GLB1L2: variants seen among roughly 807,000 people sequenced by gnomAD.
GLB1L2 encodes the protein galactosidase beta 1 like 2.
In GLB1L2, 68 loss-of-function variants were observed where a neutral mutation model predicts 84.1. The ratio of observed to expected loss-of-function variants is 0.81; its 90% CI spans 0.67 to 0.99. GLB1L2 has a LOEUF of 0.99. GLB1L2 is among the 50% of genes least tolerant of loss of function. The pLI, the probability that GLB1L2 is intolerant of heterozygous loss-of-function variation, is 0.00. For missense variants in GLB1L2, 762 were observed against 805.6 expected (o/e 0.95, Z 0.66); for synonymous variants, 290 against 318.0 (o/e 0.91, Z 0.94).
rs372742187 is a variant in GLB1L2, at chr11:134,371,232, C to G, written c.1356+84C>G. On this transcript the variant is annotated intron_variant, in intron 13 of 18. Coordinates refer to ENST00000535456, the MANE Select transcript of GLB1L2 (RefSeq NM_001370461.1). ...TCTCATGCCCTCCCCTCAGAATCAG[C>G]TCTTACCAGTGTGTGACAATGGCCC... 6.5e-5 allele frequency: 99 copies of G among 1,525,872 alleles called. No homozygotes were observed. The East Asian group carries it at 1.8e-3, about 27-fold the overall frequency. 94.5% of individuals were successfully genotyped at this position (1,525,872 alleles called of 1,614,324 possible). A position where few individuals can be genotyped will look rare whatever the true frequency, so the allele number is the denominator to read the frequency against.
At chr11:134,361,673 G>A (rs35673058) in intron 7 of GLB1L2, 1 of 152,460 alleles carries the variant, frequency 6.6e-6, no homozygotes, top group African/African-American at 2.4e-5. Context: ...GTGTTCCTCA[G>A]GTCCTGTGCC....
In GLB1L2 at chr11:134,339,152, C is replaced by T. The variant is rs1943429545; in HGVS notation, c.87-3602C>T. Among the ~76,000 whole-genome samples the T allele has an allele frequency of 1.3e-5, 2 of 152,192 alleles. No individual in the cohort carries two copies. Among genetic ancestry groups the T allele is most frequent in the Non-Finnish European group, 2.9e-5 (2 of 68,030 alleles). ...AAAGTGACAGAAACACGCTGGGCTTCCTTAGGATTTGGTTAGCTGCTTGGT... is the reference window on the plus strand; with the variant it reads ...AAAGTGACAGAAACACGCTGGGCTTTCTTAGGATTTGGTTAGCTGCTTGGT... On this transcript the variant is annotated intron_variant, in intron 1 of 18. Coordinates refer to ENST00000535456, the MANE Select transcript of GLB1L2 (RefSeq NM_001370461.1). The surrounding 1 kb of genome is among the most constrained non-coding windows in gnomAD (Gnocchi z 5.7).
At chr11:134,344,247 A>T in intron 2 of GLB1L2, 140 bp from the exon 3 acceptor site, 2 of 1,009,390 alleles carry the variant, frequency 2.0e-6, no homozygotes, top group African/African-American at 1.6e-5. Context: ...CAGTTCACTT[A>T]GTTCTTGGTT....
At chr11:134,355,179 T>A (rs1283501163) in intron 5 of GLB1L2, among the ~76,000 whole-genome samples, 1 of 152,184 alleles carries the variant, frequency 6.6e-6, no homozygotes, top group Non-Finnish European at 1.5e-5. Context: ...GAAGTTCCTT[T>A]GGTTCTTTTA....
chr11:134,340,891 T>C (rs968523554), intron 1 of GLB1L2, among the ~76,000 whole-genome samples: 1 of 152,220 alleles, frequency 6.6e-6, no homozygotes, highest in Non-Finnish European at 1.5e-5. Context: ...ATCCTCAGCT[T>C]GCAGGCTGCA....
At chr11:134,362,938 G>A (rs1376331867) in intron 7 of GLB1L2, among the ~76,000 whole-genome samples, 1 of 152,194 alleles carries the variant, frequency 6.6e-6, no homozygotes, top group Non-Finnish European at 1.5e-5. Context: ...CCTTCTCAGT[G>A]TTCCAGGATT....
Position 134,370,118 on chromosome 11 carries a change from C to T in GLB1L2, c.1109-175C>T, listed in dbSNP as rs1309632817. ...GAGGACGGGAGAACGCCCTGGCTTT[C>T]CCCCAGGCCTGGCCTTCCTCCCTGG... is the stretch of plus-strand genomic sequence containing the variant. On this transcript the variant is annotated intron_variant, in intron 11 of 18. Transcript: ENST00000535456. This position sits in a 1 kb window ranked among gnomAD's most constrained non-coding sequence, Gnocchi z 4.7. 6.6e-6 allele frequency among the ~76,000 whole-genome samples: 1 copy of T among 152,122 alleles called. No homozygotes were observed. Among genetic ancestry groups the T allele is most frequent in the Non-Finnish European group, 1.5e-5 (1 of 68,014 alleles).
chr11:134,370,600 C>T lies in GLB1L2; in HGVS notation c.1215+201C>T, dbSNP rs925726471. On this transcript the variant is annotated intron_variant, in intron 12 of 18. Transcript: ENST00000535456. This position sits in a 1 kb window ranked among gnomAD's most constrained non-coding sequence, Gnocchi z 4.7. ...GGGTCTGCTCTCCGGCCTTGGAGCT[C>T]AGAGGGAAGAGGACAGACTCATGCT... Among the ~76,000 whole-genome samples, 1 of 152,002 alleles carries T rather than the reference C, an allele frequency of 6.6e-6. No individual in the cohort carries two copies. The highest frequency in any genetic ancestry group is 6.5e-5 in the Admixed American group (1 of 15,276).
chr11:134,346,065 C>A (rs1249719697), intron 4 of GLB1L2, among the ~76,000 whole-genome samples: 1 of 152,120 alleles, frequency 6.6e-6, no homozygotes, highest in Non-Finnish European at 1.5e-5. Flanking sequence ...GTGGTTAGAC[C>A]CAGACTGCCT....
intron 1 of GLB1L2, among the ~76,000 whole-genome samples, chr11:134,333,624 C>T (rs558987827): frequency 1.2e-4 from 18 of 152,062 alleles, no homozygotes; most frequent in African/African-American, 2.4e-4. Context: ...AAAAGGTATG[C>T]GAAGGAGGCT....
intron 4 of GLB1L2, among the ~76,000 whole-genome samples, chr11:134,345,845 C>T (rs1332626050): frequency 6.6e-6 from 1 of 152,168 alleles, no homozygotes; most frequent in East Asian, 1.9e-4. Context: ...ATAAGAGAAA[C>T]AAATTCTTGT....
intron 1 of GLB1L2, among the ~76,000 whole-genome samples, chr11:134,341,116 A>T (rs1217468069): frequency 6.6e-6 from 1 of 152,254 alleles, no homozygotes; most frequent in Admixed American, 6.5e-5. Context: ...CATTAGGGAC[A>T]TAAAACCCAC....
rs117520761 is a variant in GLB1L2 at position 134,353,658 on chromosome 11, C to T, written c.559-2643C>T. On this transcript the variant is annotated intron_variant, in intron 5 of 18. Transcript: ENST00000535456. Reference sequence around the variant, plus strand: ...ATATTGAGTCTCCTACTATTATTGTCTATTTTTCCCTTTAATTTTGCCACT... The same window carrying T: ...ATATTGAGTCTCCTACTATTATTGTTTATTTTTCCCTTTAATTTTGCCACT... Among the ~76,000 whole-genome samples, 11 of 152,216 alleles carry T rather than the reference C, an allele frequency of 7.2e-5. No homozygotes were observed. The East Asian group carries it at 2.1e-3, about 29-fold the overall frequency.
chr11:134,374,857 G>C, intron 18 of GLB1L2, 115 bp from the exon 19 acceptor site: 1 of 1,200,392 alleles, frequency 8.3e-7, no homozygotes. Context: ...GTTGGTCCCT[G>C]TCCCTTCCAG....
At chr11:134,373,066 G>T (rs1025665811) in intron 15 of GLB1L2, among the ~76,000 whole-genome samples, 1 of 152,126 alleles carries the variant, frequency 6.6e-6, no homozygotes, top group East Asian at 1.9e-4. Flanking sequence ...AGAAATGCGC[G>T]TGCCCACATA....
intron 5 of GLB1L2, among the ~76,000 whole-genome samples, chr11:134,354,976 T>A (rs1025531464): frequency 5.3e-5 from 8 of 152,178 alleles, no homozygotes; most frequent in Non-Finnish European, 1.0e-4. Flanking sequence ...ATAATTCATA[T>A]ATTATTCTGC....
rs200835788 is a variant in GLB1L2, at chr11:134,374,301, C to T, written c.1707+45C>T. The T allele has an allele frequency of 2.3e-4, 326 of 1,424,918 alleles. No individual in the cohort carries two copies. The African/African-American group carries it at 2.6e-3, about 11-fold the overall frequency. 88.3% of individuals were successfully genotyped at this position (1,424,918 alleles called of 1,614,324 possible). A position where few individuals can be genotyped will look rare whatever the true frequency, so the allele number is the denominator to read the frequency against. ...CTGCCAGTTTCTCCCACCTGCCTCC[C>T]GCCTTGGAGGGCTCTGAGCCAAAGC... is the stretch of plus-strand genomic sequence containing the variant. On this transcript the variant is annotated intron_variant, in intron 17 of 18. Coordinates refer to ENST00000535456, the MANE Select transcript of GLB1L2 (RefSeq NM_001370461.1).
intron 7 of GLB1L2, among the ~76,000 whole-genome samples, chr11:134,362,311 G>A (rs1443227734): frequency 1.4e-5 from 2 of 146,646 alleles, no homozygotes; most frequent in East Asian, 2.0e-4. Context: ...AGCGCTGCCC[G>A]CGTTCCCTTC....
intron 5 of GLB1L2, among the ~76,000 whole-genome samples, chr11:134,348,604 TACATA>T (rs1170557733): frequency 2.6e-5 from 4 of 152,244 alleles, no homozygotes; most frequent in Non-Finnish European, 5.9e-5. Flanking sequence ...TGGGATAGTA[TACATA>T]ACATAAACTT....
Sources: gnomAD v4.1 joint callset for allele counts (sites outside exome capture counted in the v4.1 genomes callset) on GRCh38, gnomAD v4.1.1 for gene constraint, Gnocchi (gnomAD v3.1) non-coding constraint, MANE v1.5 for transcripts, NCBI Gene and HGNC (gene_info 2026-07-23, HGNC 2026-07-21) for gene names.